The following PALS1 variants were observed in gnomAD, a reference collection of about 807,000 sequenced individuals.
PALS1 encodes the protein protein associated with LIN7 1, MAGUK p55 family member.
In PALS1, 31 loss-of-function variants were observed where a neutral mutation model predicts 78.9. The ratio of observed to expected loss-of-function variants is 0.39; its 90% confidence interval spans 0.30 to 0.53. The LOEUF (loss-of-function observed/expected upper bound fraction) is 0.53. Ranked by LOEUF, PALS1 falls within the 20% of genes least tolerant of loss-of-function variation. The probability of loss-of-function intolerance (pLI) is 0.67; values close to 1 mark genes in which losing one functional copy is unlikely to be tolerated. For synonymous variants in PALS1, 276 were observed against 270.9 expected (o/e 1.02, Z -0.18); for missense variants, 704 against 826.5 (o/e 0.85, Z 1.82).
chr14:67,327,452 G>T (rs911312861), intron 14 of PALS1, among the ~76,000 whole-genome samples: 27 of 151,390 alleles, frequency 1.8e-4, no homozygotes, highest in African/African-American at 6.6e-4. Context: ...TTTTTCCGGG[G>T]TGTGGGGGGA....
intron 3 of PALS1, among the ~76,000 whole-genome samples, chr14:67,291,817 A>C (rs1321563559): frequency 6.6e-6 from 1 of 152,228 alleles, no homozygotes; most frequent in Non-Finnish European, 1.5e-5. Context: ...AAAAATAATA[A>C]TATCAAATAT....
intron 4 of PALS1, among the ~76,000 whole-genome samples, chr14:67,298,107 G>C (rs1175690408): frequency 6.6e-6 from 1 of 151,992 alleles, no homozygotes; most frequent in African/African-American, 2.4e-5. Context: ...GAAAGAATCA[G>C]ATGGTGATGG....
intron 1 of PALS1, among the ~76,000 whole-genome samples, chr14:67,267,710 C>T (rs1454522761): frequency 6.6e-6 from 1 of 152,146 alleles, no homozygotes; most frequent in African/African-American, 2.4e-5. Flanking sequence ...TATTAGGACA[C>T]TTTTATCACA....
intron 3 of PALS1, among the ~76,000 whole-genome samples, chr14:67,283,366 G>C (rs2084630915): frequency 6.6e-6 from 1 of 152,094 alleles, no homozygotes; most frequent in African/African-American, 2.4e-5. Context: ...GCATTTAACT[G>C]ACTTTTGATT....
chr14:67,325,392 G>A (rs564052020), intron 14 of PALS1, among the ~76,000 whole-genome samples: 1 of 152,196 alleles, frequency 6.6e-6, no homozygotes, highest in Non-Finnish European at 1.5e-5. Flanking sequence ...GGCTAAGTAG[G>A]CTAGCTGGTT....
intron 3 of PALS1, among the ~76,000 whole-genome samples, chr14:67,286,717 G>T (rs1193909357): frequency 1.3e-5 from 2 of 151,730 alleles, no homozygotes; most frequent in African/African-American, 4.8e-5. Context: ...AAATAGCCAG[G>T]TGTGGTGGAA....
chr14:67,320,471 G>T, intron 12 of PALS1, 74 bp downstream of exon 12: 1 of 1,358,478 alleles, frequency 7.4e-7, no homozygotes, highest in African/African-American at 1.5e-5. Context: ...ATCATGTAGG[G>T]AAATTTTTTA....
Position 67,312,607 on chromosome 14 carries a change from A to G in PALS1, c.1122A>G (p.Gln374=), listed in dbSNP as rs777160607. The G allele has an allele frequency of 5.6e-6, 9 of 1,613,772 alleles. No homozygotes were observed. In the East Asian group the frequency reaches 1.1e-4, roughly 20 times the overall value. The change falls in exon 9 of 15, where the codon CAA becomes CAG. Residue 374 remains glutamine, a synonymous_variant. Transcript: ENST00000261681. ...GTCGAGAGTTAGGTCTGTCTTTTCA[A>G]AAAGGTGATATACTTCATGTGATCA... ...VPCRELGLSF[Q]KGDILHVISQ... is the part of the protein sequence containing the mutation.
At chr14:67,246,110 CTTTTTAT>C (rs962944633) in intron 1 of PALS1, among the ~76,000 whole-genome samples, 12 of 151,470 alleles carry the variant, frequency 7.9e-5, no homozygotes, top group Non-Finnish European at 1.6e-4. Context: ...TTTGTCTATC[CTTTTTAT>C]TTTTTATTTT....
At chr14:67,322,604 C>G (rs1832767127) in intron 13 of PALS1, among the ~76,000 whole-genome samples, 1 of 152,084 alleles carries the variant, frequency 6.6e-6, no homozygotes, top group African/African-American at 2.4e-5. Flanking sequence ...TTTTAGTGGA[C>G]AAATGCACTT....
chr14:67,271,149 G>A (rs931776457), intron 2 of PALS1: 4 of 152,188 alleles, frequency 2.6e-5, no homozygotes, highest in Admixed American at 6.5e-5. Context: ...CACTTAGCAG[G>A]TATCACGGCT....
intron 1 of PALS1, chr14:67,242,067 TG>T (rs2140383353): frequency 6.6e-6 from 1 of 152,398 alleles, no homozygotes; most frequent in Admixed American, 6.5e-5. Flanking sequence ...AGCCTAGTTT[TG>T]TTCATGGTTT....
intron 8 of PALS1, among the ~76,000 whole-genome samples, chr14:67,308,554 T>TC (rs1321314667): frequency 6.8e-6 from 1 of 147,408 alleles, no homozygotes; most frequent in African/African-American, 2.5e-5. Context: ...TTCTTTTTTT[T>TC]TTTTTTTTGG....
intron 1 of PALS1, among the ~76,000 whole-genome samples, chr14:67,251,304 A>G (rs2084059520): frequency 6.6e-6 from 1 of 152,208 alleles, no homozygotes; most frequent in Admixed American, 6.5e-5. Flanking sequence ...AGGCCGAGGC[A>G]GGAGGACCGC....
At chr14:67,322,886 GA>G (rs1351985758) in intron 13 of PALS1, among the ~76,000 whole-genome samples, 1 of 152,160 alleles carries the variant, frequency 6.6e-6, no homozygotes, top group Non-Finnish European at 1.5e-5. Flanking sequence ...GTAATCAAGT[GA>G]AAACTGCAAT....
chr14:67,327,351 G>C (rs552194057), intron 14 of PALS1, among the ~76,000 whole-genome samples: 1 of 151,036 alleles, frequency 6.6e-6, no homozygotes. Flanking sequence ...ACTGTTTTTA[G>C]TTTACTAAAT....
At chr14:67,281,221 A>G (rs2084605188) in intron 3 of PALS1, among the ~76,000 whole-genome samples, 1 of 152,028 alleles carries the variant, frequency 6.6e-6, no homozygotes, top group Non-Finnish European at 1.5e-5. Flanking sequence ...TTTCTACTAC[A>G]TCACATCATC....
chr14:67,266,690 A>T (rs889847166), intron 1 of PALS1, among the ~76,000 whole-genome samples: 2 of 152,148 alleles, frequency 1.3e-5, no homozygotes, highest in African/African-American at 4.8e-5. Flanking sequence ...TTCTGCAAAG[A>T]TAGGTCATTC....
In PALS1 at chr14:67,316,945, T is replaced by A. The variant is rs759560774; in HGVS notation, c.1297+42T>A. 15 of 1,501,326 alleles carry A rather than the reference T, an allele frequency of 1.0e-5. No homozygotes were observed. In the African/African-American group the frequency reaches 1.3e-4, roughly 13 times the overall value. The allele number at this position is 1,501,326 out of a possible 1,614,324, so 93.0% of individuals were successfully genotyped here. A position where few individuals can be genotyped will look rare whatever the true frequency, so the allele number is the denominator to read the frequency against. On this transcript the variant is annotated intron_variant, in intron 10 of 14. Coordinates refer to ENST00000261681, the MANE Select transcript of PALS1 (RefSeq NM_022474.4). Reference sequence around the variant, plus strand: ...TGACATAAGTAAATGGTTTCTTGGGTCTTCATCTGGAGCCATGTGTGAATC... The same window carrying A: ...TGACATAAGTAAATGGTTTCTTGGGACTTCATCTGGAGCCATGTGTGAATC...
Sources: gnomAD v4.1 joint callset for allele counts (sites outside exome capture counted in the v4.1 genomes callset) on GRCh38, gnomAD v4.1.1 for gene constraint, MANE v1.5 for transcripts, NCBI Gene and HGNC (gene_info 2026-07-23, HGNC 2026-07-21) for gene names.